The following RTL4 variants were observed in gnomAD, a reference collection of about 807,000 sequenced individuals.
The protein encoded by RTL4 is retrotransposon Gag like 4.
RTL4 carries 4 observed loss-of-function variants against 5.3 expected under a neutral mutation model. That is an observed-to-expected ratio of 0.75 (90% CI 0.37 to 1.72). The LOEUF is 1.72. RTL4 is among the 40% of genes most tolerant of loss of function. The probability of loss-of-function intolerance (pLI) is 0.04; values close to 1 mark genes in which losing one functional copy is unlikely to be tolerated. For synonymous variants in RTL4, 98 were observed against 87.3 expected (o/e 1.12, Z -0.68); for missense variants, 260 against 227.1 (o/e 1.14, Z -0.93).
the RTL4 span, among the ~76,000 whole-genome samples, chrX:112,410,516 A>C: frequency 1.8e-5 from 2 of 112,262 alleles, no homozygotes; most frequent in Non-Finnish European, 3.8e-5. Context: ...TTTAAAAAAT[A>C]AAATTATATC....
the RTL4 span, among the ~76,000 whole-genome samples, chrX:112,104,451 T>TA: frequency 2.7e-5 from 3 of 111,824 alleles, no homozygotes; most frequent in Non-Finnish European, 5.7e-5. Context: ...TAATTTTATT[T>TA]TTTTTTGTGA....
upstream of RTL4, among the ~76,000 whole-genome samples, chrX:112,454,314 C>CA (rs1305549664): frequency 8.9e-6 from 1 of 112,213 alleles, no homozygotes; most frequent in Non-Finnish European, 1.9e-5. Flanking sequence ...TCCTGGGCTG[C>CA]ATGTGGCCCA....
chrX:112,271,957 T>C, the RTL4 span, among the ~76,000 whole-genome samples: 27 of 112,377 alleles, frequency 2.4e-4, no homozygotes, highest in African/African-American at 8.1e-4. Context: ...GCATATACAC[T>C]GTGAAATGAT....
the RTL4 span, among the ~76,000 whole-genome samples, chrX:112,248,518 C>T: frequency 1.2e-4 from 13 of 112,293 alleles, no homozygotes; most frequent in African/African-American, 2.9e-4. Context: ...CCTTTCAATT[C>T]GCCATTCTGC....
At chrX:112,115,627 T>C in the RTL4 span, among the ~76,000 whole-genome samples, 48 of 111,786 alleles carry the variant, frequency 4.3e-4, no homozygotes, top group Non-Finnish European at 8.7e-4. Flanking sequence ...AAATTCCAGA[T>C]AGTAACCCTG....
At chrX:112,314,723 T>C in the RTL4 span, among the ~76,000 whole-genome samples, 1 of 110,652 alleles carries the variant, frequency 9.0e-6, no homozygotes, top group Non-Finnish European at 1.9e-5. Flanking sequence ...ACGTGCTCTT[T>C]AGAAACATAA....
chrX:112,084,160 T>G, the RTL4 span, among the ~76,000 whole-genome samples: 30 of 110,704 alleles, frequency 2.7e-4, no homozygotes, highest in Middle Eastern at 4.7e-3. Flanking sequence ...AATGGCCGAG[T>G]GTTTTCATTG....
chrX:112,112,181 G>C, the RTL4 span, among the ~76,000 whole-genome samples: 1 of 112,138 alleles, frequency 8.9e-6, no homozygotes, highest in East Asian at 2.8e-4. Flanking sequence ...ACTGGTTGTG[G>C]GGTTGTCCCA....
At chrX:112,231,136 C>T in the RTL4 span, among the ~76,000 whole-genome samples, 6 of 111,215 alleles carry the variant, frequency 5.4e-5, no homozygotes, top group Non-Finnish European at 1.1e-4. Flanking sequence ...GGACTGTAAA[C>T]TAGTTCAACC....
chrX:112,244,059 A>G, the RTL4 span, among the ~76,000 whole-genome samples: 2 of 112,082 alleles, frequency 1.8e-5, no homozygotes, highest in Non-Finnish European at 3.8e-5. Context: ...TGGTCTGAGC[A>G]ACAGTTTGTT....
the RTL4 span, among the ~76,000 whole-genome samples, chrX:112,259,563 C>T: frequency 1.8e-5 from 2 of 109,880 alleles, no homozygotes; most frequent in Admixed American, 9.7e-5. Context: ...TTTGCACCAA[C>T]CTAATAAAAG....
the RTL4 span, among the ~76,000 whole-genome samples, chrX:112,207,453 G>A: frequency 9.0e-6 from 1 of 111,384 alleles, no homozygotes; most frequent in Non-Finnish European, 1.9e-5. Flanking sequence ...CTTTGTTTCA[G>A]GCTGAAAAAT....
At chrX:112,098,306 T>C in the RTL4 span, among the ~76,000 whole-genome samples, 2 of 111,068 alleles carry the variant, frequency 1.8e-5, no homozygotes, top group Non-Finnish European at 3.8e-5. Flanking sequence ...TTTTTATGGC[T>C]GCATAGTATT....
chrX:112,396,841 G>A, the RTL4 span, among the ~76,000 whole-genome samples: 1 of 111,070 alleles, frequency 9.0e-6, no homozygotes, highest in African/African-American at 3.3e-5. Flanking sequence ...TCAGACTTCT[G>A]GTTTTTGATG....
At chrX:112,403,719 C>G in the RTL4 span, among the ~76,000 whole-genome samples, 1 of 112,208 alleles carries the variant, frequency 8.9e-6, no homozygotes. Context: ...ACCTGCTAGA[C>G]AAATTCTTGG....
At chrX:112,187,023 C>A in the RTL4 span, among the ~76,000 whole-genome samples, 1 of 111,779 alleles carries the variant, frequency 8.9e-6, no homozygotes, top group Non-Finnish European at 1.9e-5. Context: ...ATTCCTCCCC[C>A]AAAGGCAACA....
chrX:112,194,286 A>G, the RTL4 span, among the ~76,000 whole-genome samples: 1 of 111,737 alleles, frequency 8.9e-6, no homozygotes, highest in Non-Finnish European at 1.9e-5. Context: ...CTAATCCCCA[A>G]TGTGATAGTA....
the RTL4 span, among the ~76,000 whole-genome samples, chrX:112,193,584 C>T: frequency 1.8e-5 from 2 of 111,496 alleles, no homozygotes; most frequent in Non-Finnish European, 3.8e-5. Context: ...TTCTGCTTCT[C>T]AAATGTATAA....
At chrX:112,343,726 G>C in the RTL4 span, among the ~76,000 whole-genome samples, 22 of 111,861 alleles carry the variant, frequency 2.0e-4, no homozygotes, top group Admixed American at 4.8e-4. Flanking sequence ...AAAACAACCT[G>C]GTCACCACTA....
Sources: allele counts gnomAD v4.1 joint callset (sites outside exome capture counted in the v4.1 genomes callset), GRCh38; gene constraint gnomAD v4.1.1; transcripts MANE v1.5; gene names NCBI Gene and HGNC (gene_info 2026-07-23, HGNC 2026-07-21).